The following AUTS2 variants were observed in gnomAD, a reference collection of about 807,000 sequenced individuals.
AUTS2 encodes autism susceptibility gene 2 protein.
In AUTS2, 17 loss-of-function variants were observed where a neutral mutation model predicts 112.4. The observed-to-expected ratio is 0.15, with a 90% CI of 0.10 to 0.23. AUTS2 has a LOEUF of 0.23. AUTS2 is among the 10% of genes least tolerant of loss of function. AUTS2 has a pLI of 1.00. For synonymous variants in AUTS2, 751 were observed against 702.7 expected (o/e 1.07, Z -1.09); for missense variants, 1,510 against 1,701.6 (o/e 0.89, Z 1.98).
rs545205262 is a variant in AUTS2 at position 70,660,895 on chromosome 7, TG to T, written c.691-37672del. ...TAAAGGCCTACTATGTGCCAGAGCC[TG>T]GCATTTCACCATTAAGTCACTGAAT... On this transcript the variant is annotated intron_variant, in intron 5 of 18. Coordinates refer to ENST00000342771, the MANE Select transcript of AUTS2 (RefSeq NM_015570.4). Among the ~76,000 whole-genome samples, 4 of 152,338 alleles carry T rather than the reference TG, an allele frequency of 2.6e-5. No individual in the cohort carries two copies. The South Asian group carries it at 8.3e-4, about 32-fold the overall frequency.
rs1025190126 is a variant in AUTS2, at chr7:70,077,300, A to G, written c.523-40832A>G. Among the ~76,000 whole-genome samples, 29 of 152,168 alleles carry G rather than the reference A, an allele frequency of 1.9e-4. 1 individual carries two copies. Among genetic ancestry groups the G allele is most frequent in the African/African-American group, 6.0e-4 (25 of 41,434 alleles). On this transcript the variant is annotated intron_variant, in intron 2 of 18. Transcript: ENST00000342771. Reference sequence around the variant, plus strand: ...ACTAACAATTCTGAGAGTGCGTAAAAGGTAGGCCGAGGGATAATGTGCTGC... The same window carrying G: ...ACTAACAATTCTGAGAGTGCGTAAAGGGTAGGCCGAGGGATAATGTGCTGC...
At chr7:69,905,726 A>G (rs1335102587) in intron 2 of AUTS2, among the ~76,000 whole-genome samples, 1 of 152,106 alleles carries the variant, frequency 6.6e-6, no homozygotes, top group African/African-American at 2.4e-5. Flanking sequence ...AACACACCCA[A>G]AGGTAATGCT....
intron 1 of AUTS2, among the ~76,000 whole-genome samples, chr7:69,776,160 G>A (rs555804632): frequency 1.3e-5 from 2 of 152,304 alleles, no homozygotes; most frequent in South Asian, 2.1e-4. Context: ...TAATTGTGTT[G>A]CGCTTTTGGC....
intron 4 of AUTS2, among the ~76,000 whole-genome samples, chr7:70,193,306 A>G (rs1206265857): frequency 6.6e-6 from 1 of 152,186 alleles, no homozygotes; most frequent in African/African-American, 2.4e-5. Flanking sequence ...ACGGCTTTTG[A>G]AGACACTAAT....
chr7:70,616,987 A>G (rs1245795258), intron 5 of AUTS2, among the ~76,000 whole-genome samples: 1 of 152,178 alleles, frequency 6.6e-6, no homozygotes. Flanking sequence ...GCTATGTATC[A>G]CTTAGGAGTG....
chr7:69,978,107 A>C (rs1798134104), intron 2 of AUTS2, among the ~76,000 whole-genome samples: 1 of 152,190 alleles, frequency 6.6e-6, no homozygotes, highest in Admixed American at 6.5e-5. Context: ...AGTGCTCAAT[A>C]GAGGGTGATA....
At position 70,586,422 on chromosome 7, in the gene AUTS2, C is replaced by T. The variant is rs181695614; in HGVS notation, c.691-112147C>T. ...ATAATTTAAAAAGAAGCAAGCAGGCCTTCAGCCAACAGAGAATGGTTTCAT... is the reference window on the plus strand; with the variant it reads ...ATAATTTAAAAAGAAGCAAGCAGGCTTTCAGCCAACAGAGAATGGTTTCAT... On this transcript the variant is annotated intron_variant, in intron 5 of 18. Coordinates refer to ENST00000342771, the MANE Select transcript of AUTS2 (RefSeq NM_015570.4). Among the ~76,000 whole-genome samples, 147 of 129,816 alleles carry T rather than the reference C, an allele frequency of 1.1e-3. 3 individuals are homozygous for T. The East Asian group carries it at 0.025, about 22-fold the overall frequency. The allele number at this position is 129,816 out of a possible 152,430, so 85.2% of individuals were successfully genotyped here.
intron 5 of AUTS2, among the ~76,000 whole-genome samples, chr7:70,557,318 A>G (rs2129521727): frequency 6.6e-6 from 1 of 152,260 alleles, no homozygotes; most frequent in Non-Finnish European, 1.5e-5. Context: ...AGGAGGTCAC[A>G]TGTGCCTCTG....
intron 4 of AUTS2, among the ~76,000 whole-genome samples, chr7:70,348,890 C>A (rs1791625356): frequency 6.6e-6 from 1 of 152,182 alleles, no homozygotes; most frequent in African/African-American, 2.4e-5. Flanking sequence ...ATGGTGAACG[C>A]TTTTCTAAGG....
In AUTS2 at chr7:69,599,991, C is replaced by G. The variant is rs1408813562; in HGVS notation, c.309+29C>G. On this transcript the variant is annotated intron_variant, in intron 1 of 18. Transcript: ENST00000342771. The surrounding 1 kb of genome is among the most constrained non-coding windows in gnomAD (Gnocchi z 7.0). Reference sequence around the variant, plus strand: ...AGGGGGACCCCCCTTCCCCCGGGTTCCCTTTATGCACGACCCCACTCGGCT... The same window carrying G: ...AGGGGGACCCCCCTTCCCCCGGGTTGCCTTTATGCACGACCCCACTCGGCT... 2 of 1,611,262 alleles carry G rather than the reference C, an allele frequency of 1.2e-6. No individual in the cohort carries two copies. Among genetic ancestry groups the G allele is most frequent in the African/African-American group, 1.3e-5 (1 of 74,856 alleles).
chr7:70,187,002 A>T (rs1012793992), intron 4 of AUTS2, among the ~76,000 whole-genome samples: 1 of 152,246 alleles, frequency 6.6e-6, no homozygotes, highest in Non-Finnish European at 1.5e-5. Flanking sequence ...GGTAGCTAAT[A>T]AGTAGTAGAA....
chr7:70,265,604 A>G (rs1485600719), intron 4 of AUTS2, among the ~76,000 whole-genome samples: 1 of 152,120 alleles, frequency 6.6e-6, no homozygotes, highest in African/African-American at 2.4e-5. Flanking sequence ...TGCAATCTAT[A>G]GTAGGACTGT....
intron 5 of AUTS2, among the ~76,000 whole-genome samples, chr7:70,558,272 G>A (rs1313786358): frequency 1.3e-5 from 2 of 152,108 alleles, no homozygotes; most frequent in African/African-American, 2.4e-5. Flanking sequence ...TAAAATTTAG[G>A]AACAAATCGC....
chr7:70,328,280 G>A (rs1315688674), intron 4 of AUTS2, among the ~76,000 whole-genome samples: 3 of 152,050 alleles, frequency 2.0e-5, no homozygotes. Context: ...GGAGTATGGT[G>A]GAATGATCAT....
At chr7:70,741,816 C>A (rs1255475216) in intron 6 of AUTS2, among the ~76,000 whole-genome samples, 1 of 151,970 alleles carries the variant, frequency 6.6e-6, no homozygotes. Context: ...GTTATAGTGG[C>A]GTGGTGGAAG....
chr7:70,383,705 T>A (rs780782297), intron 4 of AUTS2, among the ~76,000 whole-genome samples: 1 of 152,242 alleles, frequency 6.6e-6, no homozygotes, highest in Non-Finnish European at 1.5e-5. Context: ...CCTGCCTCTC[T>A]GTCTAGGGAC....
At chr7:69,964,742 C>G (rs1294351805) in intron 2 of AUTS2, among the ~76,000 whole-genome samples, 3 of 152,008 alleles carry the variant, frequency 2.0e-5, no homozygotes, top group Non-Finnish European at 4.4e-5. Context: ...GACATCTCTA[C>G]TCTTTCACAA....
chr7:70,248,376 G>A (rs1272595507), intron 4 of AUTS2, among the ~76,000 whole-genome samples: 4 of 152,010 alleles, frequency 2.6e-5, no homozygotes, highest in South Asian at 2.1e-4. Context: ...TGCCTGCCTC[G>A]ACCTCCCAAA....
chr7:70,783,485 C>T (rs1295000305), intron 15 of AUTS2: 2 of 152,178 alleles, frequency 1.3e-5, no homozygotes, highest in Non-Finnish European at 2.9e-5. Context: ...ACAGCAACAA[C>T]CCCTACGTTT....
Sources: allele counts gnomAD v4.1 joint callset (sites outside exome capture counted in the v4.1 genomes callset), GRCh38; gene constraint gnomAD v4.1.1; non-coding constraint Gnocchi (gnomAD v3.1); transcripts MANE v1.5; gene names NCBI Gene and HGNC (gene_info 2026-07-23, HGNC 2026-07-21).